The following ANGPT4 variants were observed in gnomAD, a reference collection of about 807,000 sequenced individuals.
ANGPT4 encodes angiopoietin 4.
A neutral mutation model predicts 53.0 loss-of-function variants in ANGPT4; 50 were observed. That is an observed-to-expected ratio of 0.94 (90% CI 0.75 to 1.20). The LOEUF is 1.20. Among genes scored for constraint, ANGPT4 ranks in the 50% most tolerant of loss-of-function variants. The pLI is 0.00. For synonymous variants in ANGPT4, 251 were observed against 259.7 expected, an observed-to-expected ratio of 0.97 and a Z score of 0.32; for missense variants, 648 against 637.1, an observed-to-expected ratio of 1.02 and a Z score of -0.18.
Position 870,093 on chromosome 20 carries a change from A to C in ANGPT4, c.*2867T>G, listed in dbSNP as rs1327157418. The C allele has an allele frequency of 5.9e-5, 9 of 152,266 alleles. No homozygotes were observed. The highest frequency in any genetic ancestry group is 1.9e-4 in the African/African-American group (8 of 41,456). The allele number at this position is 152,266 out of a possible 1,614,324, so 9.4% of individuals were successfully genotyped here. A position where few individuals can be genotyped will look rare whatever the true frequency, so the allele number is the denominator to read the frequency against. ...GAGCTGACATCATTTGAGCCTCTGG[A>C]TCTAACCTCACTTGCCTTTACCCTT... is the stretch of plus-strand genomic sequence containing the variant. On this transcript the variant is annotated 3_prime_UTR_variant, in exon 9 of 9. Transcript: ENST00000381922.
intron 1 of ANGPT4, among the ~76,000 whole-genome samples, chr20:906,119 T>A (rs745501031): frequency 2.6e-5 from 4 of 152,218 alleles, no homozygotes; most frequent in African/African-American, 7.2e-5. Flanking sequence ...CTGGCTGGCA[T>A]GACTAATTAG....
Position 887,673 on chromosome 20 carries a change from C to G in ANGPT4, c.587+645G>C, listed in dbSNP as rs541272038. Among the ~76,000 whole-genome samples the G allele has an allele frequency of 4.0e-5, 6 of 149,920 alleles. No homozygotes were observed. The South Asian group carries it at 1.3e-3, about 32-fold the overall frequency. On this transcript the variant is annotated intron_variant, in intron 3 of 8. Transcript: ENST00000381922. Reference sequence around the variant, plus strand: ...TTTTTTTGTAATTTAAAGGGTGTTCCCCTGATGCCCATTTGCTTATAAATG... The same window carrying G: ...TTTTTTTGTAATTTAAAGGGTGTTCGCCTGATGCCCATTTGCTTATAAATG...
rs1982699499 is a variant in ANGPT4, at chr20:911,536, G to A, written c.309+4370C>T. 6.6e-6 allele frequency among the ~76,000 whole-genome samples: 1 copy of A among 152,174 alleles called. No homozygotes were observed. Among genetic ancestry groups the A allele is most frequent in the African/African-American group, 2.4e-5 (1 of 41,430 alleles). ...AAAGAGACAGGAAAAGATGCAGGGAGTCACTTTGATAGCCAACCAGGAGAG... is the reference window on the plus strand; with the variant it reads ...AAAGAGACAGGAAAAGATGCAGGGAATCACTTTGATAGCCAACCAGGAGAG... On this transcript the variant is annotated intron_variant, in intron 1 of 8. Transcript: ENST00000381922. The surrounding 1 kb of genome is among the most constrained non-coding windows in gnomAD (Gnocchi z 4.9).
chr20:883,843 C>A (rs1981502238), intron 4 of ANGPT4, among the ~76,000 whole-genome samples: 1 of 152,238 alleles, frequency 6.6e-6, no homozygotes, highest in Non-Finnish European at 1.5e-5. Flanking sequence ...CAGGTCTGTG[C>A]ATACGCCAGT....
At chr20:890,598 C>T (rs1981803920) in intron 1 of ANGPT4, among the ~76,000 whole-genome samples, 1 of 152,154 alleles carries the variant, frequency 6.6e-6, no homozygotes, top group South Asian at 2.1e-4. Context: ...CCATCTTTGT[C>T]CCCTGCACAG....
rs755675215 is a variant in ANGPT4 at position 870,985 on chromosome 20, T to C, written c.*1975A>G. On this transcript the variant is annotated 3_prime_UTR_variant, in exon 9 of 9. Transcript: ENST00000381922. ...GAGGCTTTGATGATGTGAAGATAACTGGTGCCTTGAGAGGCTGAGCCACTG... is the reference window on the plus strand; with the variant it reads ...GAGGCTTTGATGATGTGAAGATAACCGGTGCCTTGAGAGGCTGAGCCACTG... 1.3e-5 allele frequency: 2 copies of C among 152,310 alleles called. No individual in the cohort carries two copies. The highest frequency in any genetic ancestry group is 1.3e-4 in the Admixed American group (2 of 15,280). 9.4% of individuals were successfully genotyped at this position (152,310 alleles called of 1,614,324 possible).
In ANGPT4 at chr20:879,428, T is replaced by C. The variant is rs73582817; in HGVS notation, c.1053+319A>G. ...AAGAAACTTCATTAAAGCAACGCAG[T>C]CAGGGTTGACTGGGGGGATTTTTAT... On this transcript the variant is annotated intron_variant, in intron 6 of 8. Coordinates refer to ENST00000381922, the MANE Select transcript of ANGPT4 (RefSeq NM_015985.4). Among the ~76,000 whole-genome samples, 261 of 152,326 alleles carry C rather than the reference T, an allele frequency of 1.7e-3. 2 individuals are homozygous for C. Among genetic ancestry groups the C allele is most frequent in the African/African-American group, 6.0e-3 (248 of 41,572 alleles).
intron 4 of ANGPT4, among the ~76,000 whole-genome samples, chr20:882,033 G>T (rs1030786564): frequency 6.6e-6 from 1 of 152,158 alleles, no homozygotes; most frequent in African/African-American, 2.4e-5. Flanking sequence ...CCCTTGGGTG[G>T]GAAGCTGTGG....
intron 1 of ANGPT4, among the ~76,000 whole-genome samples, chr20:915,013 T>A (rs1982867395): frequency 6.6e-6 from 1 of 152,146 alleles, no homozygotes; most frequent in Non-Finnish European, 1.5e-5. Context: ...ACCAGAATCT[T>A]ACTGGCCACA....
intron 1 of ANGPT4, among the ~76,000 whole-genome samples, chr20:910,268 A>G (rs1412624334): frequency 6.6e-6 from 1 of 152,234 alleles, no homozygotes; most frequent in Non-Finnish European, 1.5e-5. Context: ...ATGCCGTAAC[A>G]TAAAGCACCT....
At chr20:881,508 C>A (rs941990097) in intron 4 of ANGPT4, among the ~76,000 whole-genome samples, 2 of 152,014 alleles carry the variant, frequency 1.3e-5, no homozygotes, top group Non-Finnish European at 2.9e-5. Flanking sequence ...GTGTTCCAGG[C>A]GGAAGAAACA....
At chr20:877,078 C>T (rs1259719667) in intron 7 of ANGPT4, among the ~76,000 whole-genome samples, 2 of 152,110 alleles carry the variant, frequency 1.3e-5, no homozygotes, top group African/African-American at 2.4e-5. Flanking sequence ...GCTTTGGTGG[C>T]CAGTGGCTTA....
In ANGPT4 at chr20:879,762, C is replaced by T. The variant is rs756137911; in HGVS notation, c.1038G>A (p.Trp346Ter). ...GCAGGGCTACCTGTTTGTAATCCTT[C>T]CAGTTCCGCTGAAAATTCACGGTGC... Reference protein sequence around the residue: ...ENGTVNFQRNWKDYKQGFGDP... With the variant: ...ENGTVNFQRN Residue 346 changes from tryptophan to a stop codon, truncating the protein, a stop_gained, in exon 6 of 9, where the codon TGG becomes TGA. Coordinates refer to ENST00000381922, the MANE Select transcript of ANGPT4 (RefSeq NM_015985.4). LOFTEE classifies it high-confidence loss of function. The T allele has an allele frequency of 1.2e-6, 2 of 1,613,728 alleles. No homozygotes were observed. The highest frequency in any genetic ancestry group is 1.1e-5 in the South Asian group (1 of 91,012).
At chr20:880,797 C>T (rs1424743754) in intron 5 of ANGPT4, among the ~76,000 whole-genome samples, 1 of 152,200 alleles carries the variant, frequency 6.6e-6, no homozygotes, top group Non-Finnish European at 1.5e-5. Flanking sequence ...CCACATGGAG[C>T]AGAACCCCAA....
At chr20:888,678 G>A (rs997406512) in intron 2 of ANGPT4, among the ~76,000 whole-genome samples, 2 of 152,170 alleles carry the variant, frequency 1.3e-5, no homozygotes, top group African/African-American at 4.8e-5. Context: ...TTAGGCCCCA[G>A]GAGCTGTCAA....
intron 1 of ANGPT4, among the ~76,000 whole-genome samples, chr20:901,638 C>A (rs1568851265): frequency 6.6e-6 from 1 of 152,332 alleles, no homozygotes; most frequent in East Asian, 1.9e-4. Context: ...GATGGCTGGG[C>A]ATGGTGGCTC....
At chr20:876,406 C>A (rs973488918) in intron 7 of ANGPT4, among the ~76,000 whole-genome samples, 1 of 152,112 alleles carries the variant, frequency 6.6e-6, no homozygotes, top group Non-Finnish European at 1.5e-5. Context: ...CCCTCAGCTT[C>A]CTTTTAGGCA....
At position 885,111 on chromosome 20, in the gene ANGPT4, G is replaced by A; in HGVS notation, c.802C>T (p.Leu268=). ...GAGGCGTTAGCCCTTTCTTGCACCA[G>A]GTGCCGCAACAACACCAGCAGCTGG... ...LRQLLVLLRH[L]VQERANASAP... is the part of the protein sequence containing the mutation. Residue 268 remains leucine, a synonymous_variant, in exon 4 of 9, where the codon CTG becomes TTG. Transcript: ENST00000381922. 1 of 1,613,626 alleles carries A rather than the reference G, an allele frequency of 6.2e-7. No individual in the cohort carries two copies. The highest frequency in any genetic ancestry group is 8.5e-7 in the Non-Finnish European group (1 of 1,179,872).
rs1325876559 is a variant in ANGPT4, at chr20:872,860, G to C, written c.*100C>G. On this transcript the variant is annotated 3_prime_UTR_variant, in exon 9 of 9. Transcript: ENST00000381922. Reference sequence around the variant, plus strand: ...TGGCTCAGGAAGCCCAGGGTGTCAGGGAAGGCGGTGGCACAGTGTCTTGCA... The same window carrying C: ...TGGCTCAGGAAGCCCAGGGTGTCAGCGAAGGCGGTGGCACAGTGTCTTGCA... 2 of 1,480,510 alleles carry C rather than the reference G, an allele frequency of 1.4e-6. No individual in the cohort carries two copies. 91.7% of individuals were successfully genotyped at this position (1,480,510 alleles called of 1,614,324 possible).
Sources: gnomAD v4.1 joint callset for allele counts (sites outside exome capture counted in the v4.1 genomes callset) on GRCh38, gnomAD v4.1.1 for gene constraint, Gnocchi (gnomAD v3.1) non-coding constraint, MANE v1.5 for transcripts, NCBI Gene and HGNC (gene_info 2026-07-23, HGNC 2026-07-21) for gene names.